RANGAP1: variants seen among roughly 807,000 people sequenced by gnomAD.
RANGAP1 encodes the protein Ran GTPase activating protein 1.
Under a neutral mutation model 63.5 loss-of-function variants are expected in RANGAP1, and 38 were observed. That is an observed-to-expected ratio of 0.60 (90% CI 0.46 to 0.78). RANGAP1 has a LOEUF of 0.78. RANGAP1 is among the 30% of genes least tolerant of loss of function. RANGAP1 has a pLI of 0.00. For missense variants in RANGAP1, 630 were observed against 740.3 expected (o/e 0.85, Z 1.73); for synonymous variants, 329 against 310.5 (o/e 1.06, Z -0.63).
At position 41,246,535 on chromosome 22, in the gene RANGAP1, C is replaced by T. The variant is rs557412992; in HGVS notation, c.*68G>A. On this transcript the variant is annotated 3_prime_UTR_variant, in exon 16 of 16. Transcript: ENST00000356244. ...CTGTCCAAGGCAATGGCGTAGGCTG[C>T]GCCTCAGTTCATCCGAGTCCCTCCC... is the stretch of plus-strand genomic sequence containing the variant. 20 of 1,448,272 alleles carry T rather than the reference C, an allele frequency of 1.4e-5. No individual in the cohort carries two copies. Among genetic ancestry groups the T allele is most frequent in the Admixed American group, 3.9e-5 (2 of 50,638 alleles). 89.7% of individuals were successfully genotyped at this position (1,448,272 alleles called of 1,614,324 possible). A position where few individuals can be genotyped will look rare whatever the true frequency, so the allele number is the denominator to read the frequency against.
chr22:41,298,808 C>A, the RANGAP1 span, among the ~76,000 whole-genome samples: 1,393 of 152,230 alleles, frequency 9.2e-3, 28 homozygotes, highest in African/African-American at 0.032. Context: ...ACTCACATTA[C>A]CCCCATCTTA....
chr22:41,265,700 C>T (rs1287755182), intron 4 of RANGAP1, among the ~76,000 whole-genome samples: 2 of 152,116 alleles, frequency 1.3e-5, no homozygotes, highest in East Asian at 3.9e-4. Flanking sequence ...CCTCACCCCA[C>T]CAGGAGAAAT....
In RANGAP1 at chr22:41,246,530, G is replaced by C. The variant is rs1247946500; in HGVS notation, c.*73C>G. ...GAGTCCTGTCCAAGGCAATGGCGTA[G>C]GCTGCGCCTCAGTTCATCCGAGTCC... On this transcript the variant is annotated 3_prime_UTR_variant, in exon 16 of 16. Transcript: ENST00000356244. 3 of 1,445,588 alleles carry C rather than the reference G, an allele frequency of 2.1e-6. No homozygotes were observed. The highest frequency in any genetic ancestry group is 2.8e-6 in the Non-Finnish European group (3 of 1,053,164). 89.5% of individuals were successfully genotyped at this position (1,445,588 alleles called of 1,614,324 possible).
rs202097810 is a variant in RANGAP1 at position 41,256,223 on chromosome 22, T to C, written c.956A>G (p.Asp319Gly). The C allele has an allele frequency of 1.2e-4, 197 of 1,614,176 alleles. 1 individual carries two copies. In the East Asian group the frequency reaches 4.3e-3, roughly 35 times the overall value. Residue 319 changes from aspartate to glycine, a missense_variant, in exon 9 of 16, where the codon GAC (aspartate) becomes GGC (glycine). Coordinates refer to ENST00000356244, the MANE Select transcript of RANGAP1 (RefSeq NM_002883.4). ...AALAVAEAMA[D>G]KAELEKLDLN... ...GTCCAGCTTCTCCAGCTCAGCTTTG[T>C]CTGCCATGGCCTCAGCAACAGCCAG...
At chr22:41,253,200 C>G in intron 11 of RANGAP1, 2 of 482,410 alleles carry the variant, frequency 4.1e-6, no homozygotes, top group Non-Finnish European at 6.2e-6. Flanking sequence ...GTCCAGGAGC[C>G]TTTGGGGTGA....
intron 2 of RANGAP1, among the ~76,000 whole-genome samples, chr22:41,275,437 A>G (rs2035077213): frequency 6.6e-6 from 1 of 151,570 alleles, no homozygotes; most frequent in Admixed American, 6.6e-5. Flanking sequence ...GGGTGCAGTG[A>G]GCCGAGATCA....
chr22:41,276,757 C>T (rs1327238701), intron 2 of RANGAP1, among the ~76,000 whole-genome samples: 1 of 151,660 alleles, frequency 6.6e-6, no homozygotes, highest in Non-Finnish European at 1.5e-5. Context: ...GCGGGCGGAT[C>T]GTGAGGTCAG....
chr22:41,302,142 G>A, the RANGAP1 span, among the ~76,000 whole-genome samples: 1 of 152,026 alleles, frequency 6.6e-6, no homozygotes, highest in African/African-American at 2.4e-5. This position sits in a 1 kb window ranked among gnomAD's most constrained non-coding sequence, Gnocchi z 5.7. Context: ...GGAGCTTCTG[G>A]GGTGTCCAGA....
At chr22:41,251,913 C>T (rs2033481742) in intron 12 of RANGAP1, among the ~76,000 whole-genome samples, 1 of 152,214 alleles carries the variant, frequency 6.6e-6, no homozygotes, top group Admixed American at 6.6e-5. Flanking sequence ...TCTGATTTAT[C>T]ATGTTAAAAG....
At chr22:41,286,889 G>T (rs2035766215), upstream of RANGAP1, among the ~76,000 whole-genome samples, 1 of 152,110 alleles carries the variant, frequency 6.6e-6, no homozygotes, top group South Asian at 2.1e-4. Context: ...GAGGGACATG[G>T]TACAGAATAA....
In RANGAP1 at chr22:41,264,848, G is replaced by A; in HGVS notation, c.301-5C>T. 1.3e-6 allele frequency: 2 copies of A among 1,593,462 alleles called. No homozygotes were observed. The stretch of plus-strand genomic sequence containing the variant: ...GAGTCCTTCCCCTAGTGAGATCTGG[G>A]CACAGAGGAAGCTCGTGTCAGTTTC... On this transcript the variant is annotated splice_polypyrimidine_tract_variant and splice_region_variant and intron_variant, in intron 4 of 15. Transcript: ENST00000356244.
chr22:41,285,503 G>A lies in RANGAP1; in HGVS notation c.-39+483C>T, dbSNP rs989542967. ...CGCAGCAACGTCAGAGACTTTCTGAGGTGAGATGCATGCTCCTGCAAAGCG... is the reference window on the plus strand; with the variant it reads ...CGCAGCAACGTCAGAGACTTTCTGAAGTGAGATGCATGCTCCTGCAAAGCG... On this transcript the variant is annotated intron_variant, in intron 1 of 15. Coordinates refer to ENST00000356244, the MANE Select transcript of RANGAP1 (RefSeq NM_002883.4). 25 of 985,258 alleles carry A rather than the reference G, an allele frequency of 2.5e-5. No individual in the cohort carries two copies. The South Asian group carries it at 2.8e-4, about 11-fold the overall frequency. 61.0% of individuals were successfully genotyped at this position (985,258 alleles called of 1,614,324 possible).
At chr22:41,300,685 G>A in the RANGAP1 span, among the ~76,000 whole-genome samples, 1 of 151,204 alleles carries the variant, frequency 6.6e-6, no homozygotes, top group South Asian at 2.1e-4. Context: ...TGGCTAGTCT[G>A]GTCTTGAACT....
chr22:41,281,036 C>A lies in RANGAP1; in HGVS notation c.9G>T (p.Ser3=), dbSNP rs148397940. The change falls in exon 2 of 16, where the codon TCG becomes TCT. Residue 3 remains serine, a synonymous_variant. Transcript: ENST00000356244. MA[S]EDIAKLAETL... is the part of the protein sequence containing the mutation. ...TCTCTGCCAGCTTGGCAATGTCTTC[C>A]GAGGCCATGTTGACTAGGCTGGTGG... 5 of 1,602,314 alleles carry A rather than the reference C, an allele frequency of 3.1e-6. No individual in the cohort carries two copies. The highest frequency in any genetic ancestry group is 4.3e-6 in the Non-Finnish European group (5 of 1,175,034).
At chr22:41,262,022 A>G (rs2034199565) in intron 5 of RANGAP1, among the ~76,000 whole-genome samples, 1 of 152,164 alleles carries the variant, frequency 6.6e-6, no homozygotes, top group Non-Finnish European at 1.5e-5. Context: ...TCAATAAACA[A>G]GTGGTGGACT....
rs566182651 is a variant in RANGAP1, at chr22:41,249,750, G to C, written c.1551C>G (p.Leu517=). The C allele has an allele frequency of 6.2e-7, 1 of 1,613,844 alleles. No homozygotes were observed. The highest frequency in any genetic ancestry group is 1.7e-5 in the Admixed American group (1 of 60,036). ...TCACCTTGAGCAGACCCATGTGCAC[G>C]AGCAGCCTGGTGAGGAAGGTGTTGG... ...FNSNTFLTRL[L]VHMGLLKSED... Residue 517 remains leucine (L), a synonymous_variant, in exon 14 of 16, where the codon CTC becomes CTG. Coordinates refer to ENST00000356244, the MANE Select transcript of RANGAP1 (RefSeq NM_002883.4).
At chr22:41,272,044 G>A (rs1271562583) in intron 3 of RANGAP1, among the ~76,000 whole-genome samples, 1 of 152,232 alleles carries the variant, frequency 6.6e-6, no homozygotes, top group Non-Finnish European at 1.5e-5. Context: ...GAAGAAGGAA[G>A]GGCTCTATCT....
chr22:41,249,370 G>A lies in RANGAP1; in HGVS notation c.1654C>T (p.Pro552Ser). The change falls in exon 15 of 16, where the codon CCC becomes TCC. Residue 552 changes from proline to serine, a missense_variant. Physicochemically the swap from Pro to Ser is moderately conservative, Grantham distance 74. This residue lies in a region of RANGAP1 where 428 missense variants were observed against 465.5 expected (regional missense o/e 0.92). Coordinates refer to ENST00000356244, the MANE Select transcript of RANGAP1 (RefSeq NM_002883.4). The stretch of plus-strand genomic sequence containing the variant: ...AGCAGCAGGGGTGCAAGGGCCTTGG[G>A]GAAATAGTCCTGCTGCACCATGTGG... ...LNHMVQQDYF[P>S]KALAPLLLAF... 1 of 1,613,300 alleles carries A rather than the reference G, an allele frequency of 6.2e-7. No homozygotes were observed. Among genetic ancestry groups the A allele is most frequent in the Non-Finnish European group, 8.5e-7 (1 of 1,179,596 alleles).
At chr22:41,253,191 T>G (rs766173979) in intron 11 of RANGAP1, 200 bp from the exon 12 acceptor site, 10 of 524,728 alleles carry the variant, frequency 1.9e-5, no homozygotes, top group Non-Finnish European at 2.8e-5. Flanking sequence ...TGGCTCTTGG[T>G]CCAGGAGCCT....
Sources: allele counts gnomAD v4.1 joint callset (sites outside exome capture counted in the v4.1 genomes callset), GRCh38; gene constraint gnomAD v4.1.1; regional missense constraint gnomAD v4.1.1; non-coding constraint Gnocchi (gnomAD v3.1); transcripts MANE v1.5; gene names NCBI Gene and HGNC (gene_info 2026-07-23, HGNC 2026-07-21).